SLIT1: variants seen among roughly 807,000 people sequenced by gnomAD.
SLIT1 encodes the protein slit homolog 1 protein.
A neutral mutation model predicts 186.1 loss-of-function variants in SLIT1; 66 were observed. That is an observed-to-expected ratio of 0.35 (90% CI 0.29 to 0.44). The LOEUF (loss-of-function observed/expected upper bound fraction) is 0.44. SLIT1 is among the 20% of genes least tolerant of loss of function. The pLI is 1.00. For missense variants in SLIT1, 1,638 were observed against 2,037.4 expected, an observed-to-expected ratio of 0.80 and a Z score of 3.77; for synonymous variants, 761 against 833.8, an observed-to-expected ratio of 0.91 and a Z score of 1.50.
At chr10:97,003,442 T>C (rs928981673) in intron 34 of SLIT1, among the ~76,000 whole-genome samples, 2 of 152,152 alleles carry the variant, frequency 1.3e-5, no homozygotes, top group African/African-American at 4.8e-5. Flanking sequence ...CTAAGCCCCA[T>C]TTGACAGATG....
chr10:97,131,853 C>T (rs1476107825), intron 4 of SLIT1, among the ~76,000 whole-genome samples: 3 of 152,162 alleles, frequency 2.0e-5, no homozygotes, highest in Non-Finnish European at 2.9e-5. Flanking sequence ...CCAGCCTATG[C>T]GTGGGGACTA....
chr10:97,070,456 G>A (rs1431202776), intron 4 of SLIT1, among the ~76,000 whole-genome samples: 2 of 152,146 alleles, frequency 1.3e-5, no homozygotes, highest in African/African-American at 2.4e-5. Flanking sequence ...CTCTTCACCA[G>A]TGCAGACCCA....
intron 1 of SLIT1, among the ~76,000 whole-genome samples, chr10:97,169,159 C>T (rs974672687): frequency 1.3e-5 from 2 of 152,174 alleles, no homozygotes; most frequent in African/African-American, 4.8e-5. Flanking sequence ...CAGCCTCTCC[C>T]CTGGGGGCCC....
chr10:97,042,759 G>A, intron 20 of SLIT1, 142 bp downstream of exon 20: 1 of 813,612 alleles, frequency 1.2e-6, no homozygotes, highest in Admixed American at 2.9e-5. Context: ...CTGAAAACAG[G>A]GCCTCCCCTC....
chr10:97,043,647 C>T lies in SLIT1; in HGVS notation c.1854-134G>A, dbSNP rs984599558. On this transcript the variant is annotated intron_variant, in intron 18 of 36. Coordinates refer to ENST00000266058, the MANE Select transcript of SLIT1 (RefSeq NM_003061.3). This position sits in a 1 kb window ranked among gnomAD's most constrained non-coding sequence, Gnocchi z 7.0. ...GCTGCGAGCCGCAGAGCCAGGAACA[C>T]GCACCAGCCAGGCCCCGGCCAGGTG... The T allele has an allele frequency of 2.7e-4, 238 of 883,400 alleles. No homozygotes were observed. Among genetic ancestry groups the T allele is most frequent in the Non-Finnish European group, 3.7e-4 (214 of 575,182 alleles). The allele number at this position is 883,400 out of a possible 1,614,324, so 54.7% of individuals were successfully genotyped here.
intron 4 of SLIT1, among the ~76,000 whole-genome samples, chr10:97,127,529 G>T (rs1260530435): frequency 6.6e-6 from 1 of 152,174 alleles, no homozygotes; most frequent in African/African-American, 2.4e-5. Context: ...GGTCACTCAA[G>T]ATGTGCAGAA....
intron 30 of SLIT1, 75 bp downstream of exon 30, chr10:97,013,666 C>T (rs924309140): frequency 4.7e-6 from 5 of 1,071,722 alleles, no homozygotes; most frequent in East Asian, 2.6e-5. Context: ...GGGTGGGGCA[C>T]GGAGCCCAGA....
Position 97,185,892 on chromosome 10 carries a change from C to G in SLIT1, c.-218G>C. On this transcript the variant is annotated 5_prime_UTR_variant, in exon 1 of 37. Coordinates refer to ENST00000266058, the MANE Select transcript of SLIT1 (RefSeq NM_003061.3). Reference sequence around the variant, plus strand: ...CGCCTTGGGCGGAGGGGGCTCGGCTCCTCTGCCGTTTCGCCGCCTGCGTCT... The same window carrying G: ...CGCCTTGGGCGGAGGGGGCTCGGCTGCTCTGCCGTTTCGCCGCCTGCGTCT... 1 of 496,112 alleles carries G rather than the reference C, an allele frequency of 2.0e-6. No homozygotes were observed. The highest frequency in any genetic ancestry group is 3.5e-6 in the Non-Finnish European group (1 of 284,896). 30.7% of individuals were successfully genotyped at this position (496,112 alleles called of 1,614,324 possible).
chr10:97,124,829 C>T (rs1287796949), intron 4 of SLIT1, among the ~76,000 whole-genome samples: 1 of 152,180 alleles, frequency 6.6e-6, no homozygotes, highest in Non-Finnish European at 1.5e-5. Context: ...GCCACTTACC[C>T]GCTGTGCGAC....
At chr10:97,053,922 CG>C (rs958545499) in intron 13 of SLIT1, among the ~76,000 whole-genome samples, 1 of 152,100 alleles carries the variant, frequency 6.6e-6, no homozygotes, top group African/African-American at 2.4e-5. Context: ...GTGTTGGAGG[CG>C]GGGCCTGATG....
chr10:97,047,338 A>C (rs113241729), intron 16 of SLIT1, among the ~76,000 whole-genome samples: 54 of 152,368 alleles, frequency 3.5e-4, no homozygotes, highest in South Asian at 1.2e-3. Flanking sequence ...TGTGTACACA[A>C]ATTCATATTT....
chr10:97,170,930 G>A (rs1850179404), intron 1 of SLIT1, among the ~76,000 whole-genome samples: 1 of 152,066 alleles, frequency 6.6e-6, no homozygotes, highest in Non-Finnish European at 1.5e-5. Context: ...GGGGCTCCTG[G>A]CACCAGCTTC....
chr10:97,145,392 AG>A (rs1261623394), intron 4 of SLIT1, among the ~76,000 whole-genome samples: 1 of 152,156 alleles, frequency 6.6e-6, no homozygotes, highest in Non-Finnish European at 1.5e-5. Context: ...CTGGGATTAC[AG>A]GCGTGAGCCA....
intron 4 of SLIT1, among the ~76,000 whole-genome samples, chr10:97,149,830 G>A (rs371766894): frequency 3.3e-5 from 5 of 152,242 alleles, no homozygotes; most frequent in Admixed American, 1.3e-4. Flanking sequence ...GGTATTCCCC[G>A]AAAAAATAAA....
At chr10:97,052,023 A>G (rs904963581) in intron 13 of SLIT1, among the ~76,000 whole-genome samples, 2 of 152,116 alleles carry the variant, frequency 1.3e-5, no homozygotes, top group East Asian at 3.8e-4. Flanking sequence ...TACAATATGA[A>G]TGAGCCTCAA....
intron 4 of SLIT1, among the ~76,000 whole-genome samples, chr10:97,070,584 T>C (rs1410998170): frequency 2.0e-5 from 3 of 151,956 alleles, no homozygotes; most frequent in African/African-American, 7.3e-5. Context: ...CTTTGGGAGG[T>C]GATAGGTCAT....
intron 8 of SLIT1, among the ~76,000 whole-genome samples, chr10:97,062,356 T>C (rs985664304): frequency 1.3e-5 from 2 of 152,134 alleles, no homozygotes; most frequent in African/African-American, 4.8e-5. Flanking sequence ...GGGGAGGCTG[T>C]GCCTAGGAGA....
chr10:97,018,529 G>A, intron 28 of SLIT1, 57 bp downstream of exon 28: 1 of 1,109,372 alleles, frequency 9.0e-7, no homozygotes. Context: ...GGGCCCTGAG[G>A]CACAGGTGCT....
At position 97,000,970 on chromosome 10, in the gene SLIT1, C is replaced by T. The variant is rs574010292; in HGVS notation, c.*142G>A. 2.1e-5 allele frequency: 14 copies of T among 660,738 alleles called. No homozygotes were observed. In the South Asian group the frequency reaches 2.7e-4, roughly 13 times the overall value. The allele number at this position is 660,738 out of a possible 1,614,324, so 40.9% of individuals were successfully genotyped here. A position where few individuals can be genotyped will look rare whatever the true frequency, so the allele number is the denominator to read the frequency against. On this transcript the variant is annotated 3_prime_UTR_variant, in exon 37 of 37. Transcript: ENST00000266058. ...ATTTGCTTTTAAAAGGCTGCTCTGG[C>T]ACCACCCCACCCAGGAGGGCCCAGC...
Sources: gnomAD v4.1 joint callset for allele counts (sites outside exome capture counted in the v4.1 genomes callset) on GRCh38, gnomAD v4.1.1 for gene constraint, Gnocchi (gnomAD v3.1) non-coding constraint, MANE v1.5 for transcripts, NCBI Gene and HGNC (gene_info 2026-07-23, HGNC 2026-07-21) for gene names.